NUTM1: variants seen among roughly 807,000 people sequenced by gnomAD.
NUTM1 encodes NUT midline carcinoma family member 1, also known as NUT family member 1.
A neutral mutation model predicts 88.7 loss-of-function variants in NUTM1; 39 were observed. That is an observed-to-expected ratio of 0.44 (90% CI 0.34 to 0.57). The LOEUF is 0.57. Among genes scored for constraint, NUTM1 ranks in the 20% least tolerant of loss-of-function variants. The pLI, the probability that NUTM1 is intolerant of heterozygous loss-of-function variation, is 0.01. For synonymous variants in NUTM1, 494 were observed against 538.0 expected (o/e 0.92, Z 1.13); for missense variants, 1,350 against 1,414.5 (o/e 0.95, Z 0.73).
In NUTM1 at chr15:34,355,352, A is replaced by G; in HGVS notation, c.1480-136A>G. 1.2e-6 allele frequency: 1 copy of G among 807,712 alleles called. No individual in the cohort carries two copies. Among genetic ancestry groups the G allele is most frequent in the African/African-American group, 1.7e-5 (1 of 58,354 alleles). The allele number at this position is 807,712 out of a possible 1,614,324, so 50.0% of individuals were successfully genotyped here. On this transcript the variant is annotated intron_variant, in intron 7 of 7. Transcript: ENST00000537011. The surrounding 1 kb of genome is among the most constrained non-coding windows in gnomAD (Gnocchi z 4.3). The stretch of plus-strand genomic sequence containing the variant: ...GCACAAGAAGGTGGGAAAGAGCTGC[A>G]GTATCTGTCTTTGCTACCATCGCTT...
At position 34,356,109 on chromosome 15, in the gene NUTM1, G is replaced by T. The variant is rs1478714061; in HGVS notation, c.2101G>T (p.Gly701Trp). ...AGGGGGTCGTGGAGTGCTTCCTCAA[G>T]GGAAGGAGCCTTTAGCAGTGCCCTG... ...QTGGRGVLPQ[G>W]KEPLAVPWEG... Residue 701 changes from glycine to tryptophan, a missense_variant, in exon 8 of 8, where the codon GGG becomes TGG. Transcript: ENST00000537011. 1 of 1,613,532 alleles carries T rather than the reference G, an allele frequency of 6.2e-7. No homozygotes were observed. Among genetic ancestry groups the T allele is most frequent in the Admixed American group, 1.7e-5 (1 of 60,000 alleles).
At chr15:34,345,016 TA>T (rs11461274) in intron 1 of NUTM1, among the ~76,000 whole-genome samples, 34 of 149,882 alleles carry the variant, frequency 2.3e-4, no homozygotes, top group Middle Eastern at 3.4e-3. Context: ...AGACTCTGTT[TA>T]AAAAAAAAAA....
chr15:34,343,824 A>C, intron 1 of NUTM1, 122 bp downstream of exon 1: 1 of 795,192 alleles, frequency 1.3e-6, no homozygotes, highest in Non-Finnish European at 2.0e-6. Flanking sequence ...GAACCAAAAT[A>C]TCATTACAAA....
At position 34,357,341 on chromosome 15, in the gene NUTM1, T is replaced by A; in HGVS notation, c.3333T>A (p.Pro1111=). ...GKRALAGGPA[P]TEKTPHSGAQ... is the part of the protein sequence containing the mutation. ...GAGCTCTAGCTGGAGGTCCAGCCCC[T>A]ACTGAAAAGACACCCCACTCAGGAG... The change falls in exon 8 of 8, where the codon CCT becomes CCA. Residue 1111 remains proline, a synonymous_variant. Transcript: ENST00000537011. 6.2e-7 allele frequency: 1 copy of A among 1,614,158 alleles called. No individual in the cohort carries two copies. The highest frequency in any genetic ancestry group is 8.5e-7 in the Non-Finnish European group (1 of 1,180,018).
intron 4 of NUTM1, among the ~76,000 whole-genome samples, chr15:34,352,642 CAA>C (rs34684058): frequency 5.9e-4 from 67 of 112,690 alleles, no homozygotes; most frequent in East Asian, 1.4e-3. Flanking sequence ...ACTAAAAATA[CAA>C]AAAAAAAAAA....
rs1890778850 is a variant in NUTM1 at position 34,355,146 on chromosome 15, G to A, written c.1479+9G>A. ...GACTCACTCTTGCCCAGGTAAAACT[G>A]GGGTATAGGAAATATGAGAACGAGA... On this transcript the variant is annotated intron_variant, in intron 7 of 7. Transcript: ENST00000537011. This position sits in a 1 kb window ranked among gnomAD's most constrained non-coding sequence, Gnocchi z 4.3. The A allele has an allele frequency of 1.3e-6, 2 of 1,533,158 alleles. No individual in the cohort carries two copies. The highest frequency in any genetic ancestry group is 3.3e-5 in the Admixed American group (2 of 59,782). 95.0% of individuals were successfully genotyped at this position (1,533,158 alleles called of 1,614,324 possible).
At chr15:34,347,067 C>G (rs1890606142) in intron 2 of NUTM1, among the ~76,000 whole-genome samples, 1 of 151,736 alleles carries the variant, frequency 6.6e-6, no homozygotes, top group Non-Finnish European at 1.5e-5. Context: ...TGCAAGTTCC[C>G]CATCCATATC....
chr15:34,354,473 A>T lies in NUTM1; in HGVS notation c.1103A>T (p.Lys368Met). Residue 368 changes from lysine (K) to methionine (M), a missense_variant, in exon 6 of 8, where the codon AAG becomes ATG. Lys to Met is a moderately conservative substitution (Grantham distance 95). Around this residue, in one of 5 missense-constraint regions of NUTM1, gnomAD observed 89 missense variants for 76.0 expected, o/e 1.17. Coordinates refer to ENST00000537011, the MANE Select transcript of NUTM1 (RefSeq NM_001284292.2). ...TACATTCCGAAGAAGGCAGCCTCCA[A>T]GACACGGGCCCCCCGCCGGCGTCAG... ...PVYIPKKAASKTRAPRRRQRK... is the reference protein window; with the variant it reads ...PVYIPKKAASMTRAPRRRQRK... 1 of 1,614,066 alleles carries T rather than the reference A, an allele frequency of 6.2e-7. No individual in the cohort carries two copies. Among genetic ancestry groups the T allele is most frequent in the Non-Finnish European group, 8.5e-7 (1 of 1,180,002 alleles).
At position 34,347,888 on chromosome 15, in the gene NUTM1, AT is replaced by A. The variant is rs1236200345; in HGVS notation, c.101-80del. On this transcript the variant is annotated intron_variant, in intron 2 of 7. Coordinates refer to ENST00000537011, the MANE Select transcript of NUTM1 (RefSeq NM_001284292.2). The stretch of plus-strand genomic sequence containing the variant: ...AATAAAAATAAAAATAAAAATAAAA[AT>A]AAAAAAATGGGGAATTCAGATGGCT... 1.0e-5 allele frequency: 7 copies of A among 685,942 alleles called. No homozygotes were observed. In the African/African-American group the frequency reaches 1.4e-4, roughly 13 times the overall value. 42.5% of individuals were successfully genotyped at this position (685,942 alleles called of 1,614,324 possible). A position where few individuals can be genotyped will look rare whatever the true frequency, so the allele number is the denominator to read the frequency against.
chr15:34,343,557 G>T lies in NUTM1; in HGVS notation c.-140G>T. 1 of 1,526,256 alleles carries T rather than the reference G, an allele frequency of 6.6e-7. No individual in the cohort carries two copies. The highest frequency in any genetic ancestry group is 1.2e-5 in the South Asian group (1 of 83,510). The allele number at this position is 1,526,256 out of a possible 1,614,324, so 94.5% of individuals were successfully genotyped here. On this transcript the variant is annotated 5_prime_UTR_variant, in exon 1 of 8. Coordinates refer to ENST00000537011, the MANE Select transcript of NUTM1 (RefSeq NM_001284292.2). ...CCCTGCTCCATTTCAAAGCGTTGGC[G>T]GTAAAGAATGCATGTTGAGTATCAA...
At chr15:34,343,761 A>G (rs1890529780) in intron 1 of NUTM1, 59 bp downstream of exon 1, 5 of 1,467,008 alleles carry the variant, frequency 3.4e-6, no homozygotes, top group Admixed American at 2.1e-5. Context: ...ACAATTTTTA[A>G]AAGAATATAG....
intron 3 of NUTM1, 48 bp from the exon 4 acceptor site, chr15:34,350,656 G>A (rs1890686975): frequency 6.3e-7 from 1 of 1,593,918 alleles, no homozygotes; most frequent in Non-Finnish European, 8.5e-7. Flanking sequence ...CAGGGCAGGT[G>A]GATGGGAGCA....
intron 3 of NUTM1, 77 bp downstream of exon 3, chr15:34,348,754 G>A (rs1890656625): frequency 5.0e-6 from 5 of 993,272 alleles, no homozygotes; most frequent in Middle Eastern, 2.3e-4. Context: ...TAGTAGTTTA[G>A]GCTGTTTAGG....
Position 34,356,668 on chromosome 15 carries a change from C to G in NUTM1, c.2660C>G (p.Pro887Arg). Reference sequence around the variant, plus strand: ...CTGGGGTCTTCCAAAGAAACCCTTCCACCCACATGCCAAGGCAATCTCCTT... The same window carrying G: ...CTGGGGTCTTCCAAAGAAACCCTTCGACCCACATGCCAAGGCAATCTCCTT... Reference protein sequence around the residue: ...STLGSSKETLPPTCQGNLLIM... With the variant: ...STLGSSKETLRPTCQGNLLIM... Residue 887 changes from proline (P) to arginine (R), a missense_variant, in exon 8 of 8, where the codon CCA becomes CGA. Pro to Arg is a moderately radical substitution (Grantham distance 103). Transcript: ENST00000537011. The G allele has an allele frequency of 1.2e-6, 2 of 1,613,794 alleles. No homozygotes were observed. The highest frequency in any genetic ancestry group is 1.7e-6 in the Non-Finnish European group (2 of 1,179,940).
At chr15:34,347,128 A>G (rs1191015723) in intron 2 of NUTM1, among the ~76,000 whole-genome samples, 1 of 152,020 alleles carries the variant, frequency 6.6e-6, no homozygotes, top group Non-Finnish European at 1.5e-5. Context: ...GGTCTAAAGA[A>G]GAACTCAGAT....
At chr15:34,351,496 T>G (rs1236983362) in intron 4 of NUTM1, among the ~76,000 whole-genome samples, 1 of 152,108 alleles carries the variant, frequency 6.6e-6, no homozygotes, top group Non-Finnish European at 1.5e-5. Context: ...CTTGGGTTTT[T>G]CTATCCTGTT....
rs199619233 is a variant in NUTM1, at chr15:34,353,901, G to A, written c.1075+29G>A. ...AGGCTACCCAATTTTGACAGGAGCC[G>A]TGGGCCAAAGGCTCAAAGGGATGCA... is the stretch of plus-strand genomic sequence containing the variant. On this transcript the variant is annotated intron_variant, in intron 5 of 7. Coordinates refer to ENST00000537011, the MANE Select transcript of NUTM1 (RefSeq NM_001284292.2). 2.1e-3 allele frequency: 3,314 copies of A among 1,611,468 alleles called. 9 individuals are homozygous for A. The highest frequency in any genetic ancestry group is 2.4e-3 in the Non-Finnish European group (2,825 of 1,179,278).
At chr15:34,344,026 C>T (rs1054425900) in intron 1 of NUTM1, among the ~76,000 whole-genome samples, 1 of 150,686 alleles carries the variant, frequency 6.6e-6, no homozygotes, top group Admixed American at 6.6e-5. Flanking sequence ...TCGAGACCAG[C>T]CTGGCCAATC....
At chr15:34,347,816 G>A (rs539812722) in intron 2 of NUTM1, among the ~76,000 whole-genome samples, 153 bp from the exon 3 acceptor site, 7 of 152,106 alleles carry the variant, frequency 4.6e-5, no homozygotes, top group Non-Finnish European at 5.9e-5. Flanking sequence ...TTGTGCCACT[G>A]CACTCCAGCC....
Sources: gnomAD v4.1 joint callset for allele counts (sites outside exome capture counted in the v4.1 genomes callset) on GRCh38, gnomAD v4.1.1 for gene constraint, gnomAD v4.1.1 regional missense constraint, Gnocchi (gnomAD v3.1) non-coding constraint, MANE v1.5 for transcripts, NCBI Gene and HGNC (gene_info 2026-07-23, HGNC 2026-07-21) for gene names.